The following SCN1A variants were observed in gnomAD, a reference collection of about 807,000 sequenced individuals.
SCN1A encodes the protein sodium channel protein type 1 subunit alpha.
A neutral mutation model predicts 193.7 loss-of-function variants in SCN1A; 13 were observed. The ratio of observed to expected loss-of-function variants is 0.07; its 90% CI spans 0.04 to 0.11. The LOEUF is 0.11. Ranked by LOEUF, SCN1A falls within the 10% of genes least tolerant of loss-of-function variation. The probability of loss-of-function intolerance (pLI) is 1.00; values close to 1 mark genes in which losing one functional copy is unlikely to be tolerated. For missense variants in SCN1A, 1,432 were observed against 2,451.1 expected, an observed-to-expected ratio of 0.58 and a Z score of 8.78; for synonymous variants, 781 against 843.6, an observed-to-expected ratio of 0.93 and a Z score of 1.29.
At chr2:166,095,986 G>T (rs914617542) in intron 2 of SCN1A, among the ~76,000 whole-genome samples, 4 of 152,130 alleles carry the variant, frequency 2.6e-5, no homozygotes, top group Non-Finnish European at 5.9e-5. Context: ...AATAATTGCA[G>T]AAAATTAGGC....
chr2:166,052,594 C>T lies in SCN1A; in HGVS notation c.694+258G>A, dbSNP rs1841546. Among the ~76,000 whole-genome samples, 73,405 of 145,796 alleles carry T rather than the reference C, an allele frequency of 0.5. 18,519 individuals carry two copies. The highest frequency in any genetic ancestry group is 0.58 in the East Asian group (2,876 of 4,938). ...GTACATTTAAAAGGGAGCAAATTCT[C>T]GATAAAACTAACATGGTGAAAAAAA... On this transcript the variant is annotated intron_variant, in intron 8 of 28. Transcript: ENST00000674923.
chr2:166,044,986 C>G, intron 13 of SCN1A, 57 bp downstream of exon 13: 2 of 1,560,232 alleles, frequency 1.3e-6, no homozygotes, highest in Middle Eastern at 1.7e-4. Context: ...TAATTCTCCC[C>G]CTCTCTCCCA....
At chr2:166,094,144 G>T (rs1057331219) in intron 2 of SCN1A, among the ~76,000 whole-genome samples, 1 of 152,048 alleles carries the variant, frequency 6.6e-6, no homozygotes, top group Non-Finnish European at 1.5e-5. Flanking sequence ...ATGAAGGATG[G>T]ATAAAACATC....
At chr2:166,061,358 G>T (rs1270163214) in intron 4 of SCN1A, among the ~76,000 whole-genome samples, 2 of 152,050 alleles carry the variant, frequency 1.3e-5, no homozygotes, top group African/African-American at 4.8e-5. Context: ...AAACACAAAA[G>T]GTTCCAAAAA....
Position 166,118,302 on chromosome 2 carries a change from CTTTTTTTTTTTTTT to C in SCN1A, c.-142+8608_-142+8621del, listed in dbSNP as rs61002916. On this transcript the variant is annotated intron_variant, in intron 2 of 28. Coordinates refer to ENST00000674923, the MANE Select transcript of SCN1A (RefSeq NM_001165963.4). ...TTGCTTACTGATTTCTATTTAGTTTCTTTTTTTTTTTTTTTTTTTTTTTTTTTTGAGAAAGCGTC... is the reference window on the plus strand; with the variant it reads ...TTGCTTACTGATTTCTATTTAGTTTCTTTTTTTTTTTTTTGAGAAAGCGTC... 6.2e-5 allele frequency among the ~76,000 whole-genome samples: 5 copies of C among 81,074 alleles called. 1 individual carries two copies. Among genetic ancestry groups the C allele is most frequent in the African/African-American group, 1.0e-4 (2 of 19,762 alleles). 53.2% of individuals were successfully genotyped at this position (81,074 alleles called of 152,430 possible).
chr2:166,008,222 A>G (rs1462235883), intron 23 of SCN1A, among the ~76,000 whole-genome samples: 1 of 151,274 alleles, frequency 6.6e-6, no homozygotes, highest in Non-Finnish European at 1.5e-5. Flanking sequence ...TACCGATAAG[A>G]TCAGCTTTTT....
Position 166,051,914 on chromosome 2 carries a change from A to C in SCN1A, c.769T>G (p.Cys257Gly). The C allele has an allele frequency of 6.2e-7, 1 of 1,612,650 alleles. No homozygotes were observed. Among genetic ancestry groups the C allele is most frequent in the Non-Finnish European group, 8.5e-7 (1 of 1,179,016 alleles). The change falls in exon 9 of 29, where the codon TGT becomes GGT. Residue 257 changes from cysteine to glycine, a missense_variant. Physicochemically the swap from Cys to Gly is radical, Grantham distance 159. Transcript: ENST00000674923. ...CCAATTAGAGCAAATACGCTCAGAC[A>C]GAACACAGTCAGGATCATTACATCT... Reference protein sequence around the residue: ...LSDVMILTVFCLSVFALIGLQ... With the variant: ...LSDVMILTVFGLSVFALIGLQ...
chr2:166,125,943 G>C (rs1052229642), intron 2 of SCN1A, among the ~76,000 whole-genome samples: 1 of 152,172 alleles, frequency 6.6e-6, no homozygotes, highest in Non-Finnish European at 1.5e-5. Context: ...ATTGTTACCA[G>C]TATGAACACT....
chr2:166,057,951 C>T (rs1037421077), intron 5 of SCN1A, among the ~76,000 whole-genome samples: 1 of 152,032 alleles, frequency 6.6e-6, no homozygotes, highest in African/African-American at 2.4e-5. Context: ...CTCTCATTAA[C>T]TTCCGGAGTC....
chr2:166,036,228 TGTA>T lies in SCN1A; in HGVS notation c.3246_3248del (p.Thr1083del). 6.2e-7 allele frequency: 1 copy of T among 1,613,980 alleles called. No homozygotes were observed. The highest frequency in any genetic ancestry group is 1.1e-5 in the South Asian group (1 of 91,082). ...CACTGCTGCCAGTTCCTATACCACT[TGTA>T]GTTCCATTTACATCTTTAAGATAGT... On this transcript the variant is annotated inframe_deletion, in exon 19 of 29. Coordinates refer to ENST00000674923, the MANE Select transcript of SCN1A (RefSeq NM_001165963.4).
intron 23 of SCN1A, among the ~76,000 whole-genome samples, chr2:166,005,761 G>T (rs1211511324): frequency 6.6e-6 from 1 of 151,324 alleles, no homozygotes; most frequent in Admixed American, 6.6e-5. Flanking sequence ...GCAGTAATTG[G>T]TTCTTATGGG....
intron 4 of SCN1A, among the ~76,000 whole-genome samples, chr2:166,065,859 G>A (rs1238191255): frequency 6.6e-6 from 1 of 152,136 alleles, no homozygotes; most frequent in South Asian, 2.1e-4. Flanking sequence ...ATCCTTAGAT[G>A]TATAATTTTA....
At chr2:166,023,569 G>C (rs1327921682) in intron 19 of SCN1A, among the ~76,000 whole-genome samples, 2 of 152,150 alleles carry the variant, frequency 1.3e-5, no homozygotes, top group African/African-American at 4.8e-5. Flanking sequence ...AAATCCAAGA[G>C]AGATATGAAG....
intron 2 of SCN1A, 122 bp downstream of exon 2, chr2:166,126,802 G>GGTGAAAAGCA: frequency 6.6e-6 from 1 of 152,324 alleles, no homozygotes; most frequent in East Asian, 1.9e-4. Flanking sequence ...GCATTGGACA[G>GGTGAAAAGCA]GTGAAAAGCA....
At chr2:166,008,540 G>A (rs895967321) in intron 23 of SCN1A, among the ~76,000 whole-genome samples, 9 of 151,072 alleles carry the variant, frequency 6.0e-5, no homozygotes, top group Admixed American at 2.0e-4. Flanking sequence ...ACATTTTGGT[G>A]AAAATTTGAG....
intron 2 of SCN1A, among the ~76,000 whole-genome samples, chr2:166,104,630 C>T (rs965096655): frequency 6.6e-6 from 1 of 152,104 alleles, no homozygotes; most frequent in African/African-American, 2.4e-5. Flanking sequence ...GTAGTTCCAG[C>T]TACTTGGAAG....
chr2:166,003,580 T>C (rs1310234231), intron 23 of SCN1A, among the ~76,000 whole-genome samples: 1 of 151,408 alleles, frequency 6.6e-6, no homozygotes, highest in Non-Finnish European at 1.5e-5. Context: ...GGACCACTAG[T>C]TAAAAATCTT....
At chr2:166,143,216 G>A (rs558383066) in intron 1 of SCN1A, among the ~76,000 whole-genome samples, 1 of 137,060 alleles carries the variant, frequency 7.3e-6, no homozygotes, top group South Asian at 2.3e-4. Flanking sequence ...GCCCAGGCTG[G>A]AGTGCGGTGG....
intron 11 of SCN1A, 61 bp downstream of exon 11, chr2:166,047,566 A>G: frequency 6.4e-7 from 1 of 1,573,258 alleles, no homozygotes; most frequent in Non-Finnish European, 8.7e-7. Flanking sequence ...TAATTTCATA[A>G]CTCAATTGGT....
Sources: gnomAD v4.1 joint callset for allele counts (sites outside exome capture counted in the v4.1 genomes callset) on GRCh38, gnomAD v4.1.1 for gene constraint, MANE v1.5 for transcripts, NCBI Gene and HGNC (gene_info 2026-07-23, HGNC 2026-07-21) for gene names.